Variants in RIMS1 observed in about 807,000 individuals in gnomAD.
The protein encoded by RIMS1 is regulating synaptic membrane exocytosis 1.
A neutral mutation model predicts 214.1 loss-of-function variants in RIMS1; 83 were observed. The ratio of observed to expected loss-of-function variants is 0.39; its 90% CI spans 0.32 to 0.47. RIMS1 has a LOEUF of 0.47. Ranked by LOEUF, RIMS1 falls within the 20% of genes least tolerant of loss-of-function variation. The pLI, the probability that RIMS1 is intolerant of heterozygous loss-of-function variation, is 0.99. For missense variants in RIMS1, 2,050 were observed against 2,161.8 expected, an observed-to-expected ratio of 0.95 and a Z score of 1.03; for synonymous variants, 793 against 786.8, an observed-to-expected ratio of 1.01 and a Z score of -0.13.
chr6:72,137,938 A>G (rs968716055), intron 4 of RIMS1, among the ~76,000 whole-genome samples: 1 of 151,860 alleles, frequency 6.6e-6, no homozygotes, highest in African/African-American at 2.4e-5. Flanking sequence ...GGGTTTCACC[A>G]TGTTAGCCAG....
intron 11 of RIMS1, 85 bp from the exon 12 acceptor site, chr6:72,247,930 T>G: frequency 1.2e-6 from 1 of 869,026 alleles, no homozygotes; most frequent in Non-Finnish European, 1.9e-6. Flanking sequence ...ATTATGGTTT[T>G]ATACAAATAA....
At chr6:72,335,312 A>G (rs1034531626) in intron 29 of RIMS1, among the ~76,000 whole-genome samples, 1 of 151,844 alleles carries the variant, frequency 6.6e-6, no homozygotes, top group Non-Finnish European at 1.5e-5. Flanking sequence ...TCCCACCTAT[A>G]AGTGAGAACA....
At chr6:72,160,510 G>T (rs2045219827) in intron 4 of RIMS1, among the ~76,000 whole-genome samples, 2 of 139,678 alleles carry the variant, frequency 1.4e-5, no homozygotes, top group Admixed American at 1.5e-4. Context: ...GTATGATATT[G>T]GCTGTGGGTT....
intron 2 of RIMS1, among the ~76,000 whole-genome samples, chr6:72,087,162 A>T (rs2153786662): frequency 6.6e-6 from 1 of 152,326 alleles, no homozygotes; most frequent in South Asian, 2.1e-4. Flanking sequence ...AAAGATATTA[A>T]AAATAAAAAA....
At chr6:72,338,411 A>G (rs549667520) in intron 29 of RIMS1, among the ~76,000 whole-genome samples, 2 of 152,194 alleles carry the variant, frequency 1.3e-5, no homozygotes, top group South Asian at 4.1e-4. Flanking sequence ...AGGCATGGGC[A>G]AGGACTTCAT....
At chr6:72,350,907 A>G (rs531506349) in intron 29 of RIMS1, among the ~76,000 whole-genome samples, 2 of 152,286 alleles carry the variant, frequency 1.3e-5, no homozygotes, top group East Asian at 1.9e-4. Flanking sequence ...GAATGCATTA[A>G]CTAAGGAAAG....
chr6:72,225,054 T>C (rs1371069339), intron 6 of RIMS1, among the ~76,000 whole-genome samples: 1 of 152,206 alleles, frequency 6.6e-6, no homozygotes, highest in Non-Finnish European at 1.5e-5. Context: ...TCCTTTAATG[T>C]ATCTATAAAT....
chr6:72,268,102 A>G (rs192365782), intron 22 of RIMS1, among the ~76,000 whole-genome samples: 1 of 152,282 alleles, frequency 6.6e-6, no homozygotes. Context: ...GGTTTCATCA[A>G]GTAATTACAG....
Position 71,886,603 on chromosome 6 carries a change from C to G in RIMS1, c.-421C>G, listed in dbSNP as rs1171423636. ...GCCTCCACGGCGGCAGCGGCCGCCC[C>G]AGTCCCAGCCCCAGCCCCAGCCCCA... On this transcript the variant is annotated 5_prime_UTR_variant, in exon 1 of 34. Transcript: ENST00000521978. 4.3e-5 allele frequency: 3 copies of G among 69,432 alleles called. No individual in the cohort carries two copies. The highest frequency in any genetic ancestry group is 4.0e-5 in the Non-Finnish European group (1 of 25,286). 4.3% of individuals were successfully genotyped at this position (69,432 alleles called of 1,614,324 possible).
intron 1 of RIMS1, among the ~76,000 whole-genome samples, chr6:71,945,191 A>C (rs1224968880): frequency 2.0e-5 from 3 of 152,216 alleles, no homozygotes; most frequent in Admixed American, 1.3e-4. Context: ...ATTCAGAGCC[A>C]GTAACAGCAG....
intron 2 of RIMS1, among the ~76,000 whole-genome samples, chr6:72,049,336 A>G (rs915126357): frequency 2.0e-5 from 3 of 152,006 alleles, no homozygotes; most frequent in East Asian, 1.9e-4. Context: ...TGGGAACTCA[A>G]CCCCTCTTAT....
intron 2 of RIMS1, 69 bp from the exon 3 acceptor site, chr6:72,096,880 T>A (rs2031923480): frequency 6.2e-6 from 8 of 1,290,584 alleles, no homozygotes; most frequent in Non-Finnish European, 8.8e-6. Flanking sequence ...AAATATTCCT[T>A]GTTTTGTTTG....
chr6:71,931,937 C>T (rs551304046), intron 1 of RIMS1, among the ~76,000 whole-genome samples: 1 of 151,988 alleles, frequency 6.6e-6, no homozygotes, highest in Non-Finnish European at 1.5e-5. Context: ...TACCATCTTA[C>T]ACCAGTCAGA....
chr6:72,291,858 C>A, intron 25 of RIMS1, 76 bp from the exon 26 acceptor site: 1 of 1,077,744 alleles, frequency 9.3e-7, no homozygotes, highest in Non-Finnish European at 1.4e-6. Flanking sequence ...TTAATCGTAA[C>A]AGAAAGGAGG....
At chr6:72,258,035 G>A (rs1009411432) in intron 16 of RIMS1, 90 bp from the exon 17 acceptor site, 45 of 1,180,348 alleles carry the variant, frequency 3.8e-5, no homozygotes, top group Admixed American at 2.5e-4. Context: ...ATAGATCAAT[G>A]GCTGCTTTAG....
At chr6:72,220,005 A>C (rs889059972) in intron 6 of RIMS1, among the ~76,000 whole-genome samples, 19 of 152,100 alleles carry the variant, frequency 1.2e-4, no homozygotes, top group Admixed American at 1.0e-3. Context: ...CTTTTGAAAA[A>C]TATAATTCAT....
At chr6:72,184,797 A>G (rs144214533) in intron 6 of RIMS1, among the ~76,000 whole-genome samples, 2 of 151,490 alleles carry the variant, frequency 1.3e-5, no homozygotes, top group Admixed American at 6.6e-5. Context: ...GACATTTAGT[A>G]GTAAGGAAGA....
At chr6:72,131,407 A>G (rs774909555) in intron 4 of RIMS1, among the ~76,000 whole-genome samples, 1 of 152,114 alleles carries the variant, frequency 6.6e-6, no homozygotes, top group African/African-American at 2.4e-5. Flanking sequence ...AAATAAAGGG[A>G]CAGAGTACAA....
intron 2 of RIMS1, among the ~76,000 whole-genome samples, chr6:72,019,028 A>G (rs897824263): frequency 6.6e-6 from 1 of 152,128 alleles, no homozygotes; most frequent in African/African-American, 2.4e-5. Flanking sequence ...CGGCAGTGTG[A>G]TTCCTGCCCT....
Sources: gnomAD v4.1 joint callset for allele counts (sites outside exome capture counted in the v4.1 genomes callset) on GRCh38, gnomAD v4.1.1 for gene constraint, MANE v1.5 for transcripts, NCBI Gene and HGNC (gene_info 2026-07-23, HGNC 2026-07-21) for gene names.